Variants in MARCHF6 observed in about 807,000 individuals in gnomAD.
MARCHF6 encodes membrane associated ring-CH-type finger 6, also known as E3 ubiquitin-protein ligase MARCHF6.
A neutral mutation model predicts 133.7 loss-of-function variants in MARCHF6; 31 were observed. The observed-to-expected ratio is 0.23, with a 90% CI of 0.17 to 0.31. MARCHF6 has a LOEUF of 0.31. MARCHF6 is among the 10% of genes least tolerant of loss of function. MARCHF6 has a pLI of 1.00. For synonymous variants in MARCHF6, 395 were observed against 402.5 expected (o/e 0.98, Z 0.22); for missense variants, 723 against 1,121.6 (o/e 0.64, Z 5.08).
intron 3 of MARCHF6, 152 bp from the exon 4 acceptor site, chr5:10,381,648 A>G: frequency 5.1e-6 from 3 of 587,810 alleles, no homozygotes; most frequent in Non-Finnish European, 8.5e-6. Context: ...GGTAAATGTG[A>G]TATTATAACT....
intron 1 of MARCHF6, among the ~76,000 whole-genome samples, chr5:10,377,553 G>A (rs983193651): frequency 6.6e-6 from 1 of 152,106 alleles, no homozygotes; most frequent in African/African-American, 2.4e-5. Flanking sequence ...TTTCGACTTT[G>A]ATTTATTTAA....
intron 9 of MARCHF6, among the ~76,000 whole-genome samples, chr5:10,395,068 G>C (rs1233626377): frequency 1.3e-5 from 2 of 152,112 alleles, no homozygotes; most frequent in African/African-American, 2.4e-5. Flanking sequence ...CCAAGTGCTG[G>C]GATTACAGGC....
At chr5:10,357,396 A>G (rs1358359027) in intron 1 of MARCHF6, among the ~76,000 whole-genome samples, 1 of 146,400 alleles carries the variant, frequency 6.8e-6, no homozygotes, top group East Asian at 2.0e-4. Flanking sequence ...TACTGCTTGT[A>G]TTAGCACAAC....
chr5:10,438,898 C>G lies in MARCHF6; in HGVS notation c.*5214C>G, dbSNP rs1378493673. On this transcript the variant is annotated 3_prime_UTR_variant, in exon 26 of 26. Coordinates refer to ENST00000274140, the MANE Select transcript of MARCHF6 (RefSeq NM_005885.4). ...TAGTTCTACTTAGTCACACACTTCTCTAAGACCACTCATACGTAAACACTA... is the reference window on the plus strand; with the variant it reads ...TAGTTCTACTTAGTCACACACTTCTGTAAGACCACTCATACGTAAACACTA... 1.3e-5 allele frequency: 2 copies of G among 152,230 alleles called. No homozygotes were observed. The highest frequency in any genetic ancestry group is 6.5e-5 in the Admixed American group (1 of 15,292). 9.4% of individuals were successfully genotyped at this position (152,230 alleles called of 1,614,324 possible).
At position 10,429,792 on chromosome 5, in the gene MARCHF6, C is replaced by T. The variant is rs996580537; in HGVS notation, c.2507-101C>T. The T allele has an allele frequency of 6.4e-6, 6 of 944,514 alleles. No homozygotes were observed. In the South Asian group the frequency reaches 9.6e-5, roughly 15 times the overall value. 58.5% of individuals were successfully genotyped at this position (944,514 alleles called of 1,614,324 possible). ...GTTAACAGACCTGGGGCTTAGAAAG[C>T]TTGTCTGCCCCAGTCCATTCTTCTA... On this transcript the variant is annotated intron_variant, in intron 24 of 25. Coordinates refer to ENST00000274140, the MANE Select transcript of MARCHF6 (RefSeq NM_005885.4).
rs528824970 is a variant in MARCHF6, at chr5:10,405,697, G to A, written c.1452+20G>A. 8.4e-7 allele frequency: 1 copy of A among 1,193,830 alleles called. No homozygotes were observed. The highest frequency in any genetic ancestry group is 1.6e-5 in the South Asian group (1 of 62,768). The allele number at this position is 1,193,830 out of a possible 1,614,324, so 74.0% of individuals were successfully genotyped here. ...TCAGTGGTAAGAAGATGTTTCCATT[G>A]TTTTTTTTTTTTGAATTAATTGTGC... On this transcript the variant is annotated intron_variant, in intron 16 of 25. Transcript: ENST00000274140.
chr5:10,394,634 T>A (rs751648309), intron 8 of MARCHF6, 119 bp from the exon 9 acceptor site: 1 of 715,338 alleles, frequency 1.4e-6, no homozygotes, highest in African/African-American at 1.9e-5. Context: ...TTGGAAAGTA[T>A]AGGAAGTGGG....
chr5:10,426,296 T>C, intron 23 of MARCHF6, 94 bp from the exon 24 acceptor site: 1 of 1,394,216 alleles, frequency 7.2e-7, no homozygotes, highest in South Asian at 1.3e-5. Context: ...TGACTATTTT[T>C]GGGTTGGCAG....
chr5:10,387,868 G>C (rs1025484297), intron 5 of MARCHF6, among the ~76,000 whole-genome samples: 9 of 152,142 alleles, frequency 5.9e-5, no homozygotes, highest in South Asian at 2.1e-4. Context: ...CACCATGTTA[G>C]CCAGGCTCGT....
chr5:10,407,825 G>A (rs952142812), intron 17 of MARCHF6, among the ~76,000 whole-genome samples: 1 of 152,074 alleles, frequency 6.6e-6, no homozygotes, highest in Non-Finnish European at 1.5e-5. Context: ...GCGTGGTGGC[G>A]CATGCCTGTA....
intron 1 of MARCHF6, among the ~76,000 whole-genome samples, chr5:10,375,545 G>T (rs990466586): frequency 2.6e-5 from 4 of 152,262 alleles, no homozygotes; most frequent in African/African-American, 9.6e-5. Context: ...GAGTGCCAGC[G>T]CATGGCGCGG....
chr5:10,401,346 T>G (rs1738524400), intron 11 of MARCHF6: 1 of 154,506 alleles, frequency 6.5e-6, no homozygotes, highest in Admixed American at 6.4e-5. Context: ...AACAATTTAG[T>G]CTTTTATGGA....
At position 10,407,191 on chromosome 5, in the gene MARCHF6, C is replaced by T. The variant is rs1412812212; in HGVS notation, c.1542C>T (p.Val514=). ...TGCCTAATTTTCTTCCATACAATGT[C>T]ATGCTCTACAGGTAAGTTTTAAAAA... is the stretch of plus-strand genomic sequence containing the variant. ...SVLPNFLPYN[V]MLYSDAPVSE... Residue 514 remains valine (V), a synonymous_variant, in exon 17 of 26, where the codon GTC becomes GTT. Transcript: ENST00000274140. 1 of 1,602,004 alleles carries T rather than the reference C, an allele frequency of 6.2e-7. No homozygotes were observed. The highest frequency in any genetic ancestry group is 1.7e-5 in the Admixed American group (1 of 59,294).
Position 10,410,305 on chromosome 5 carries a change from A to G in MARCHF6, c.1691+29A>G, listed in dbSNP as rs567936278. 5.8e-5 allele frequency: 93 copies of G among 1,605,732 alleles called. 1 individual carries two copies. In the South Asian group the frequency reaches 9.5e-4, roughly 16 times the overall value. ...AGTATGGGCAGCTGACTCCTTGGAC[A>G]TGCATGTCATTTGTGACTATGGAAT... is the stretch of plus-strand genomic sequence containing the variant. On this transcript the variant is annotated intron_variant, in intron 18 of 25. Transcript: ENST00000274140.
chr5:10,415,384 T>C, intron 20 of MARCHF6, 104 bp from the exon 21 acceptor site: 1 of 1,022,904 alleles, frequency 9.8e-7, no homozygotes, highest in Non-Finnish European at 1.5e-6. Flanking sequence ...ATATATCGAA[T>C]GTGATATCTT....
At position 10,402,393 on chromosome 5, in the gene MARCHF6, A is replaced by C; in HGVS notation, c.1063A>C (p.Thr355Pro). The C allele has an allele frequency of 6.2e-7, 1 of 1,613,824 alleles. No individual in the cohort carries two copies. The highest frequency in any genetic ancestry group is 8.5e-7 in the Non-Finnish European group (1 of 1,179,848). The change falls in exon 13 of 26, where the codon ACT becomes CCT. Residue 355 changes from threonine to proline, a missense_variant. Transcript: ENST00000274140. The stretch of plus-strand genomic sequence containing the variant: ...TGACCTGATGCTGTAGGGCTTGGCA[A>C]CTCTTGTGAAATTTCATAGATCTCG... The part of the protein sequence containing the change: ...ITLIICHGLA[T>P]LVKFHRSRRL...
intron 22 of MARCHF6, among the ~76,000 whole-genome samples, chr5:10,421,513 G>T (rs1739821692): frequency 6.6e-6 from 1 of 152,172 alleles, no homozygotes; most frequent in African/African-American, 2.4e-5. Flanking sequence ...TAAGCTACTT[G>T]CCTTTCCTGC....
At chr5:10,432,411 T>TAG (rs1267833803) in intron 25 of MARCHF6, among the ~76,000 whole-genome samples, 4 of 152,226 alleles carry the variant, frequency 2.6e-5, no homozygotes. Flanking sequence ...CTGTGGGCTT[T>TAG]TACTGGACAT....
At chr5:10,392,753 C>T (rs1737942075) in intron 7 of MARCHF6, among the ~76,000 whole-genome samples, 1 of 146,986 alleles carries the variant, frequency 6.8e-6, no homozygotes. Context: ...GATTCCGTCT[C>T]AAGAAAAAAA....
Sources: allele counts gnomAD v4.1 joint callset (sites outside exome capture counted in the v4.1 genomes callset), GRCh38; gene constraint gnomAD v4.1.1; transcripts MANE v1.5; gene names NCBI Gene and HGNC (gene_info 2026-07-23, HGNC 2026-07-21).